Variants in M1AP observed in about 807,000 individuals in gnomAD.
The protein encoded by M1AP is meiosis 1 arrest protein.
A neutral mutation model predicts 51.2 loss-of-function variants in M1AP; 39 were observed. That is an observed-to-expected ratio of 0.76 (90% CI 0.59 to 1.00). M1AP has a LOEUF of 1.00. M1AP is among the 50% of genes least tolerant of loss of function. The pLI, the probability that M1AP is intolerant of heterozygous loss-of-function variation, is 0.00. For synonymous variants in M1AP, 251 were observed against 249.2 expected (o/e 1.01, Z -0.07); for missense variants, 545 against 641.2 (o/e 0.85, Z 1.62).
intron 2 of M1AP, among the ~76,000 whole-genome samples, chr2:74,638,576 T>A (rs1383555898): frequency 1.3e-5 from 2 of 152,182 alleles, no homozygotes; most frequent in Non-Finnish European, 2.9e-5. Context: ...TTGCTCTCTC[T>A]CTCTTTTGGA....
intron 2 of M1AP, chr2:74,628,409 G>A: frequency 5.3e-6 from 2 of 380,718 alleles, no homozygotes; most frequent in South Asian, 2.6e-5. Flanking sequence ...AATTATTTCT[G>A]CTGCTTACCT....
chr2:74,577,482 G>A (rs1160772370), intron 5 of M1AP, among the ~76,000 whole-genome samples: 1 of 152,220 alleles, frequency 6.6e-6, no homozygotes, highest in Non-Finnish European at 1.5e-5. Context: ...CAAATGTTGA[G>A]TACTTCTGAG....
intron 2 of M1AP, chr2:74,619,244 G>T: frequency 4.9e-6 from 1 of 204,596 alleles, no homozygotes; most frequent in African/African-American, 2.3e-5. Context: ...ATGGCTTTTT[G>T]GTAAAAACCT....
intron 4 of M1AP, among the ~76,000 whole-genome samples, chr2:74,595,246 C>T (rs931106044): frequency 2.0e-5 from 3 of 152,150 alleles, no homozygotes; most frequent in African/African-American, 7.2e-5. Flanking sequence ...AACTCCTGAG[C>T]TCAAGCAATC....
intron 2 of M1AP, among the ~76,000 whole-genome samples, chr2:74,627,964 C>T (rs2104793162): frequency 6.6e-6 from 1 of 152,146 alleles, no homozygotes; most frequent in South Asian, 2.1e-4. Flanking sequence ...TAAGAACATC[C>T]TCCTATGTTC....
At chr2:74,595,455 G>T (rs555868981) in intron 4 of M1AP, among the ~76,000 whole-genome samples, 5 of 152,228 alleles carry the variant, frequency 3.3e-5, no homozygotes, top group African/African-American at 9.6e-5. Flanking sequence ...AGGCTCAAGT[G>T]ATCCTCCTGT....
chr2:74,640,736 G>A (rs190738115), intron 1 of M1AP, among the ~76,000 whole-genome samples: 17 of 151,832 alleles, frequency 1.1e-4, no homozygotes, highest in Non-Finnish European at 1.5e-4. Context: ...AATTACAGGC[G>A]TGAGCCACCG....
intron 5 of M1AP, among the ~76,000 whole-genome samples, chr2:74,578,289 G>A (rs560667647): frequency 5.3e-5 from 8 of 152,258 alleles, no homozygotes; most frequent in African/African-American, 1.9e-4. Context: ...TTAAGTTTTG[G>A]GGTGCATGTG....
intron 1 of M1AP, chr2:74,647,405 C>T (rs1239193277): frequency 1.0e-6 from 1 of 985,270 alleles, no homozygotes; most frequent in Non-Finnish European, 1.2e-6. Flanking sequence ...ATGGTTCTCC[C>T]TCTGGCAGGG....
intron 7 of M1AP, 195 bp downstream of exon 7, chr2:74,575,243 A>G (rs2104562731): frequency 4.2e-6 from 4 of 959,534 alleles, no homozygotes; most frequent in Non-Finnish European, 5.0e-6. Context: ...AACTGAATTC[A>G]GGAATTATTC....
intron 7 of M1AP, among the ~76,000 whole-genome samples, chr2:74,574,815 G>C (rs1678955572): frequency 6.6e-6 from 1 of 152,100 alleles, no homozygotes; most frequent in African/African-American, 2.4e-5. Flanking sequence ...TAGGGTCTTT[G>C]CACATGCCTT....
intron 2 of M1AP, among the ~76,000 whole-genome samples, chr2:74,639,423 G>C (rs980924370): frequency 6.6e-6 from 1 of 152,188 alleles, no homozygotes; most frequent in Non-Finnish European, 1.5e-5. Context: ...TTATACAAGG[G>C]AGAAAGGGAA....
intron 2 of M1AP, chr2:74,628,723 A>G: frequency 1.6e-6 from 1 of 606,326 alleles, no homozygotes. Context: ...CAAAAGTCAC[A>G]TGACAACAAC....
chr2:74,576,311 C>T, intron 6 of M1AP, 145 bp downstream of exon 6: 1 of 850,008 alleles, frequency 1.2e-6, no homozygotes, highest in South Asian at 1.8e-5. Flanking sequence ...TCTTTGCTTC[C>T]TCATGCCATA....
At chr2:74,571,854 G>A (rs768510180) in intron 7 of M1AP, among the ~76,000 whole-genome samples, 1 of 152,140 alleles carries the variant, frequency 6.6e-6, no homozygotes, top group Non-Finnish European at 1.5e-5. Context: ...AAATTAGCCA[G>A]ATGTGGTGGT....
At chr2:74,620,918 C>T (rs1276825636) in intron 2 of M1AP, 1 of 179,134 alleles carries the variant, frequency 5.6e-6, no homozygotes, top group African/African-American at 2.4e-5. Context: ...GCTGTCCAAA[C>T]AGCTTCTCCT....
intron 4 of M1AP, among the ~76,000 whole-genome samples, chr2:74,582,293 T>C (rs1279636422): frequency 6.6e-6 from 1 of 152,200 alleles, no homozygotes. Flanking sequence ...ACATCTAGCC[T>C]AGAGACATTC....
intron 1 of M1AP, among the ~76,000 whole-genome samples, chr2:74,644,529 C>T (rs1683483870): frequency 6.7e-6 from 1 of 149,996 alleles, no homozygotes; most frequent in South Asian, 2.1e-4. Flanking sequence ...CAGCGCGAGA[C>T]CCCGTCTCAA....
chr2:74,619,972 T>A (rs759500497), intron 2 of M1AP, among the ~76,000 whole-genome samples: 2 of 152,234 alleles, frequency 1.3e-5, no homozygotes, highest in Admixed American at 6.5e-5. Context: ...AGATACATCC[T>A]TATTTATTTT....
Sources: allele counts gnomAD v4.1 joint callset (sites outside exome capture counted in the v4.1 genomes callset), GRCh38; gene constraint gnomAD v4.1.1; transcripts MANE v1.5; gene names NCBI Gene and HGNC (gene_info 2026-07-23, HGNC 2026-07-21).